ASH1L: variants seen among roughly 807,000 people sequenced by gnomAD.
ASH1L encodes ASH1 like histone lysine methyltransferase, also known as histone-lysine N-methyltransferase ASH1L.
Under a neutral mutation model 269.0 loss-of-function variants are expected in ASH1L, and 23 were observed. That is an observed-to-expected ratio of 0.09 (90% CI 0.06 to 0.12). ASH1L has a LOEUF of 0.12. Among genes scored for constraint, ASH1L ranks in the 10% least tolerant of loss-of-function variants. The pLI, the probability that ASH1L is intolerant of heterozygous loss-of-function variation, is 1.00. For missense variants in ASH1L, 2,912 were observed against 3,567.8 expected (o/e 0.82, Z 4.68); for synonymous variants, 1,187 against 1,253.5 (o/e 0.95, Z 1.12).
intron 4 of ASH1L, among the ~76,000 whole-genome samples, chr1:155,453,363 G>GA (rs1663637021): frequency 6.6e-6 from 1 of 151,562 alleles, no homozygotes; most frequent in Non-Finnish European, 1.5e-5. Context: ...CCATAAAAAA[G>GA]AAAAAAATGT....
intron 2 of ASH1L, among the ~76,000 whole-genome samples, chr1:155,503,657 C>T (rs1360999159): frequency 2.6e-5 from 4 of 152,094 alleles, no homozygotes; most frequent in African/African-American, 9.7e-5. Context: ...TAGAAAGATC[C>T]GTATTTACAT....
At chr1:155,459,773 T>C (rs753985383) in intron 4 of ASH1L, 24 bp downstream of exon 4, 1 of 1,570,762 alleles carries the variant, frequency 6.4e-7, no homozygotes, top group South Asian at 1.1e-5. Flanking sequence ...ATCTTGAAAA[T>C]CTGGTAAAAC....
At chr1:155,383,438 T>C (rs1317046387) in intron 7 of ASH1L, among the ~76,000 whole-genome samples, 1 of 152,234 alleles carries the variant, frequency 6.6e-6, no homozygotes, top group Non-Finnish European at 1.5e-5. Flanking sequence ...ATTTTTACTG[T>C]ACCTTTTCTA....
At chr1:155,345,174 CTTTTTT>C (rs397981613) in intron 21 of ASH1L, among the ~76,000 whole-genome samples, 6 of 64,022 alleles carry the variant, frequency 9.4e-5, no homozygotes, top group South Asian at 7.5e-4. Flanking sequence ...CCAGGATGGT[CTTTTTT>C]TTTTTTTTTT....
At chr1:155,559,573 A>G (rs1671821363) in intron 1 of ASH1L, among the ~76,000 whole-genome samples, 1 of 151,752 alleles carries the variant, frequency 6.6e-6, no homozygotes, top group South Asian at 2.1e-4. Flanking sequence ...TACAAAACAT[A>G]TTTTTTTAAA....
At chr1:155,384,167 CAA>C (rs1002940626) in intron 7 of ASH1L, among the ~76,000 whole-genome samples, 1 of 152,108 alleles carries the variant, frequency 6.6e-6, no homozygotes, top group African/African-American at 2.4e-5. Flanking sequence ...CCTAATGTTC[CAA>C]AGTGTCTTTT....
At chr1:155,347,061 C>G (rs778983613) in intron 20 of ASH1L, among the ~76,000 whole-genome samples, 1 of 152,118 alleles carries the variant, frequency 6.6e-6, no homozygotes, top group Non-Finnish European at 1.5e-5. Context: ...TGTCATTTTC[C>G]TTGATCCAGA....
intron 6 of ASH1L, among the ~76,000 whole-genome samples, chr1:155,413,465 G>T (rs1053538080): frequency 1.3e-5 from 2 of 152,110 alleles, no homozygotes; most frequent in African/African-American, 4.8e-5. Context: ...CAATTAGCTG[G>T]GCACGGTGGT....
At chr1:155,560,408 G>C (rs1571165450) in intron 1 of ASH1L, among the ~76,000 whole-genome samples, 1 of 152,210 alleles carries the variant, frequency 6.6e-6, no homozygotes. Context: ...CATATTCATA[G>C]AGGGGATTCT....
intron 5 of ASH1L, chr1:155,433,440 A>G (rs560685523): frequency 3.7e-5 from 60 of 1,610,058 alleles, no homozygotes; most frequent in Admixed American, 1.2e-4. Context: ...CTAGTGCCCC[A>G]AGGCGGCTTG....
chr1:155,393,156 C>T (rs182257284), intron 7 of ASH1L, among the ~76,000 whole-genome samples: 21 of 152,242 alleles, frequency 1.4e-4, no homozygotes, highest in African/African-American at 2.9e-4. Flanking sequence ...AGTAAGCACA[C>T]GTAAAGTTTA....
intron 17 of ASH1L, among the ~76,000 whole-genome samples, chr1:155,349,884 C>CTTTT (rs1299756334): frequency 2.0e-5 from 2 of 97,684 alleles, no homozygotes; most frequent in Non-Finnish European, 4.3e-5. Context: ...CGCCAAGCTA[C>CTTTT]TTTTTTTTTT....
Position 155,502,956 on chromosome 1 carries a change from C to T in ASH1L, c.420+18144G>A, listed in dbSNP as rs535121989. Among the ~76,000 whole-genome samples, 4 of 152,218 alleles carry T rather than the reference C, an allele frequency of 2.6e-5. No homozygotes were observed. The South Asian group carries it at 8.3e-4, about 32-fold the overall frequency. ...TCATAATTCCTAACCTTCATAATTG[C>T]CCTAACCGTTATAATCAACAAACAG... On this transcript the variant is annotated intron_variant, in intron 2 of 27. Coordinates refer to ENST00000392403, the MANE Select transcript of ASH1L (RefSeq NM_018489.3).
At chr1:155,429,360 A>C (rs376511116) in intron 5 of ASH1L, among the ~76,000 whole-genome samples, 2 of 151,968 alleles carry the variant, frequency 1.3e-5, no homozygotes, top group African/African-American at 4.8e-5. Flanking sequence ...TGCAATCTCT[A>C]CCTCCTGGGC....
At chr1:155,432,291 C>G (rs958437641) in intron 5 of ASH1L, among the ~76,000 whole-genome samples, 1 of 152,094 alleles carries the variant, frequency 6.6e-6, no homozygotes, top group Admixed American at 6.6e-5. Context: ...TAGCATAGTC[C>G]TTACTTTTTC....
At chr1:155,493,356 A>C (rs186248085) in intron 2 of ASH1L, among the ~76,000 whole-genome samples, 2 of 152,228 alleles carry the variant, frequency 1.3e-5, no homozygotes, top group Non-Finnish European at 2.9e-5. Context: ...TAACAAAGTA[A>C]ATGTATTTAG....
At chr1:155,558,089 A>C (rs924703103) in intron 1 of ASH1L, among the ~76,000 whole-genome samples, 1 of 152,214 alleles carries the variant, frequency 6.6e-6, no homozygotes, top group African/African-American at 2.4e-5. Flanking sequence ...TGGCCAATTC[A>C]ATATTAATAA....
At chr1:155,347,507 G>C (rs1653462908) in intron 20 of ASH1L, 149 bp downstream of exon 20, 2 of 957,102 alleles carry the variant, frequency 2.1e-6, no homozygotes, top group East Asian at 2.4e-5. Flanking sequence ...AGGCAATATA[G>C]TAAACACAGA....
chr1:155,406,489 G>A (rs1418530107), intron 6 of ASH1L, among the ~76,000 whole-genome samples: 1 of 152,204 alleles, frequency 6.6e-6, no homozygotes, highest in African/African-American at 2.4e-5. Context: ...AGGATTGCTT[G>A]AGGCCAAGAG....
Sources: allele counts gnomAD v4.1 joint callset (sites outside exome capture counted in the v4.1 genomes callset), GRCh38; gene constraint gnomAD v4.1.1; transcripts MANE v1.5; gene names NCBI Gene and HGNC (gene_info 2026-07-23, HGNC 2026-07-21).